Variants in SHLD1 observed in about 807,000 individuals in gnomAD.
SHLD1 encodes the protein shieldin complex subunit 1, also known as RINN1-REV7-interacting novel NHEJ regulator 3.
Under a neutral mutation model 5.5 loss-of-function variants are expected in SHLD1, and 3 were observed. The observed-to-expected ratio is 0.54, with a 90% CI of 0.25 to 1.40. The LOEUF (loss-of-function observed/expected upper bound fraction) is 1.40. Ranked by LOEUF, SHLD1 falls within the 40% of genes most tolerant of loss-of-function variation. The pLI is 0.15. For missense variants in SHLD1, 210 were observed against 244.4 expected (o/e 0.86, Z 0.94); for synonymous variants, 92 against 94.3 (o/e 0.98, Z 0.14).
At chr20:5,790,177 G>T (rs2087118559) in intron 2 of SHLD1, among the ~76,000 whole-genome samples, 1 of 152,134 alleles carries the variant, frequency 6.6e-6, no homozygotes, top group Non-Finnish European at 1.5e-5. Context: ...TGGCAGAGGG[G>T]ATCCCACTAC....
intron 2 of SHLD1, among the ~76,000 whole-genome samples, chr20:5,857,151 T>A (rs1367059880): frequency 6.6e-6 from 1 of 152,106 alleles, no homozygotes; most frequent in African/African-American, 2.4e-5. Flanking sequence ...AATTTTTGTG[T>A]TTTTAGTAGA....
intron 2 of SHLD1, among the ~76,000 whole-genome samples, chr20:5,819,064 G>A (rs2087574422): frequency 6.6e-6 from 1 of 152,046 alleles, no homozygotes; most frequent in Non-Finnish European, 1.5e-5. Flanking sequence ...GTTTCTCCAT[G>A]TTGGCCAGGC....
intron 2 of SHLD1, among the ~76,000 whole-genome samples, chr20:5,854,386 G>A (rs953220565): frequency 2.0e-5 from 3 of 152,174 alleles, no homozygotes; most frequent in African/African-American, 7.2e-5. Context: ...GAACTCACGT[G>A]ATTTGTCCGC....
In SHLD1 at chr20:5,806,317, T is replaced by C. The variant is rs1402837930; in HGVS notation, c.178+33274T>C. Among the ~76,000 whole-genome samples, 1 of 152,242 alleles carries C rather than the reference T, an allele frequency of 6.6e-6. No individual in the cohort carries two copies. Among genetic ancestry groups the C allele is most frequent in the Non-Finnish European group, 1.5e-5 (1 of 68,040 alleles). Reference sequence around the variant, plus strand: ...TACGCATCATGCTATTGGTCCACAGTATATGGATTTGTGGATCGTGTCTTC... The same window carrying C: ...TACGCATCATGCTATTGGTCCACAGCATATGGATTTGTGGATCGTGTCTTC... On this transcript the variant is annotated intron_variant, in intron 2 of 2. Coordinates refer to ENST00000303142, the MANE Select transcript of SHLD1 (RefSeq NM_152504.4). The surrounding 1 kb of genome is among the most constrained non-coding windows in gnomAD (Gnocchi z 7.6).
intron 2 of SHLD1, among the ~76,000 whole-genome samples, chr20:5,852,415 C>CCCTTCCTTCCTTCCTTCCTTCCTT (rs71334360): frequency 6.5e-4 from 97 of 150,102 alleles, no homozygotes; most frequent in African/African-American, 2.4e-3. Context: ...TCCTTTCCCT[C>CCCTTCCTTCCTTCCTTCCTTCCTT]CCTTCCTTCC....
intron 2 of SHLD1, among the ~76,000 whole-genome samples, chr20:5,817,997 T>G (rs1004152211): frequency 6.6e-6 from 1 of 152,254 alleles, no homozygotes; most frequent in African/African-American, 2.4e-5. Flanking sequence ...ATCAAAGTCC[T>G]ATACTAACTG....
At chr20:5,797,990 C>T (rs921220848) in intron 2 of SHLD1, among the ~76,000 whole-genome samples, 1 of 152,174 alleles carries the variant, frequency 6.6e-6, no homozygotes, top group African/African-American at 2.4e-5. Flanking sequence ...GGAACAACAA[C>T]CATTATGTTC....
At chr20:5,815,646 G>A (rs2087519725) in intron 2 of SHLD1, among the ~76,000 whole-genome samples, 1 of 152,170 alleles carries the variant, frequency 6.6e-6, no homozygotes, top group Non-Finnish European at 1.5e-5. Context: ...GCCCTATACA[G>A]GAAAAGTTTG....
chr20:5,808,062 G>A (rs759148352), intron 2 of SHLD1, among the ~76,000 whole-genome samples: 25 of 152,152 alleles, frequency 1.6e-4, no homozygotes, highest in African/African-American at 2.4e-4. Context: ...TGGGCAGATC[G>A]CGAGGCCAGG....
intron 2 of SHLD1, among the ~76,000 whole-genome samples, chr20:5,831,801 A>C (rs750533114): frequency 6.6e-6 from 1 of 152,208 alleles, no homozygotes; most frequent in Non-Finnish European, 1.5e-5. Flanking sequence ...GTGAAATGTG[A>C]AAAAAGCACA....
intron 1 of SHLD1, among the ~76,000 whole-genome samples, chr20:5,766,047 T>G (rs1396335152): frequency 6.6e-6 from 1 of 152,160 alleles, no homozygotes; most frequent in African/African-American, 2.4e-5. Flanking sequence ...TTCCATTCAT[T>G]TCATATTGCT....
At chr20:5,761,217 G>C (rs1984445675) in intron 1 of SHLD1, among the ~76,000 whole-genome samples, 1 of 151,934 alleles carries the variant, frequency 6.6e-6, no homozygotes. Flanking sequence ...GAGAACACAG[G>C]GACACAGGGA....
intron 2 of SHLD1, among the ~76,000 whole-genome samples, chr20:5,809,223 G>C (rs894359489): frequency 1.3e-5 from 2 of 152,056 alleles, no homozygotes; most frequent in Middle Eastern, 3.2e-3. Flanking sequence ...GGATCTTAAC[G>C]TACATGTTTG....
intron 2 of SHLD1, among the ~76,000 whole-genome samples, chr20:5,783,008 A>G (rs543839964): frequency 6.6e-6 from 1 of 152,308 alleles, no homozygotes; most frequent in Non-Finnish European, 1.5e-5. Context: ...AGTGGCTAAT[A>G]CCCAGTCACT....
intron 2 of SHLD1, among the ~76,000 whole-genome samples, chr20:5,810,389 A>G (rs1163290877): frequency 6.6e-6 from 1 of 152,118 alleles, no homozygotes; most frequent in Admixed American, 6.5e-5. Flanking sequence ...TTCTAATCTC[A>G]TTATTGCCTC....
chr20:5,821,696 G>GGC (rs2122413553), intron 2 of SHLD1, among the ~76,000 whole-genome samples: 1 of 152,276 alleles, frequency 6.6e-6, no homozygotes, highest in South Asian at 2.1e-4. Context: ...CTCAGGGTCT[G>GGC]TCATGAGGTG....
chr20:5,755,623 C>G (rs958580937), intron 1 of SHLD1, among the ~76,000 whole-genome samples: 1 of 151,346 alleles, frequency 6.6e-6, no homozygotes, highest in Non-Finnish European at 1.5e-5. Flanking sequence ...GGAATGGTGT[C>G]ATCTAGGCTC....
At chr20:5,783,734 C>T (rs980356948) in intron 2 of SHLD1, among the ~76,000 whole-genome samples, 1 of 152,202 alleles carries the variant, frequency 6.6e-6, no homozygotes, top group African/African-American at 2.4e-5. Context: ...CCTCACAGCT[C>T]TTTAGGAACT....
chr20:5,765,769 C>CTTTTT lies in SHLD1; in HGVS notation c.-4-7070_-4-7066dup, dbSNP rs756234026. Among the ~76,000 whole-genome samples the CTTTTT allele has an allele frequency of 1.3e-4, 8 of 62,072 alleles. 1 individual carries two copies. Among genetic ancestry groups the CTTTTT allele is most frequent in the Non-Finnish European group, 1.9e-4 (7 of 36,230 alleles). 40.7% of individuals were successfully genotyped at this position (62,072 alleles called of 152,430 possible). On this transcript the variant is annotated intron_variant, in intron 1 of 2. Coordinates refer to ENST00000303142, the MANE Select transcript of SHLD1 (RefSeq NM_152504.4). ...ATAATGTATTTTATACGCACAAATC[C>CTTTTT]TTTTTTTTTTTTTTTTTTTTTTTTT...
Sources: gnomAD v4.1 joint callset for allele counts (sites outside exome capture counted in the v4.1 genomes callset) on GRCh38, gnomAD v4.1.1 for gene constraint, Gnocchi (gnomAD v3.1) non-coding constraint, MANE v1.5 for transcripts, NCBI Gene and HGNC (gene_info 2026-07-23, HGNC 2026-07-21) for gene names.